Variants in NDRG3 observed in about 807,000 individuals in gnomAD.
NDRG3 encodes NDRG family member 3, also known as protein NDRG3.
Under a neutral mutation model 57.2 loss-of-function variants are expected in NDRG3, and 23 were observed. The ratio of observed to expected loss-of-function variants is 0.40; its 90% CI spans 0.29 to 0.57. NDRG3 has a LOEUF of 0.57. Ranked by LOEUF, NDRG3 falls within the 20% of genes least tolerant of loss-of-function variation. The probability of loss-of-function intolerance (pLI) is 0.42; values close to 1 mark genes in which losing one functional copy is unlikely to be tolerated. For synonymous variants in NDRG3, 132 were observed against 162.6 expected, an observed-to-expected ratio of 0.81 and a Z score of 1.43; for missense variants, 384 against 457.3, an observed-to-expected ratio of 0.84 and a Z score of 1.46.
At chr20:36,688,289 C>G (rs1387013365) in intron 4 of NDRG3, among the ~76,000 whole-genome samples, 1 of 152,068 alleles carries the variant, frequency 6.6e-6, no homozygotes, top group Non-Finnish European at 1.5e-5. Flanking sequence ...TGGTGACAGG[C>G]TCTAGCAAGA....
chr20:36,709,982 T>C (rs1983770795), intron 2 of NDRG3, among the ~76,000 whole-genome samples: 1 of 152,048 alleles, frequency 6.6e-6, no homozygotes, highest in African/African-American at 2.4e-5. Flanking sequence ...GGATACAAAA[T>C]AGTCTTTACA....
At chr20:36,730,201 T>C (rs56235687) in intron 1 of NDRG3, among the ~76,000 whole-genome samples, 4 of 150,580 alleles carry the variant, frequency 2.7e-5, no homozygotes, top group Admixed American at 2.6e-4. Flanking sequence ...GAGGTGAGAT[T>C]GTGCCACTGC....
At chr20:36,679,665 G>A (rs766379742) in intron 8 of NDRG3, among the ~76,000 whole-genome samples, 5 of 151,018 alleles carry the variant, frequency 3.3e-5, no homozygotes, top group Admixed American at 1.3e-4. Context: ...CACCACGCCC[G>A]GCTAATTTTT....
At chr20:36,708,662 A>AG (rs1983691821) in intron 2 of NDRG3, among the ~76,000 whole-genome samples, 1 of 150,832 alleles carries the variant, frequency 6.6e-6, no homozygotes, top group Non-Finnish European at 1.5e-5. Flanking sequence ...AAAAAAAAAA[A>AG]AAAAGAAAAA....
intron 3 of NDRG3, among the ~76,000 whole-genome samples, chr20:36,691,872 C>T (rs1361429757): frequency 6.6e-6 from 1 of 152,204 alleles, no homozygotes; most frequent in Non-Finnish European, 1.5e-5. Flanking sequence ...TTGAATGCCA[C>T]TCCATGCCAG....
chr20:36,695,969 C>T (rs1044203011), intron 3 of NDRG3, among the ~76,000 whole-genome samples: 6 of 152,180 alleles, frequency 3.9e-5, no homozygotes, highest in African/African-American at 1.4e-4. Flanking sequence ...CCCCGGACAC[C>T]CAGCTTTAAA....
rs76218622 is a variant in NDRG3 at position 36,743,205 on chromosome 20, C to G, written c.-49+2840G>C. Among the ~76,000 whole-genome samples the G allele has an allele frequency of 2.9e-3, 442 of 152,248 alleles. 1 individual carries two copies. The highest frequency in any genetic ancestry group is 0.01 in the African/African-American group (423 of 41,554). On this transcript the variant is annotated intron_variant, in intron 1 of 15. Transcript: ENST00000349004. ...TCAGAAGTAACAATTTAGAATAAAACAAAAGCAGCCGGGCTCGGAGGCTCA... is the reference window on the plus strand; with the variant it reads ...TCAGAAGTAACAATTTAGAATAAAAGAAAAGCAGCCGGGCTCGGAGGCTCA...
chr20:36,708,046 T>G (rs893525102), intron 2 of NDRG3, among the ~76,000 whole-genome samples: 2 of 151,498 alleles, frequency 1.3e-5, no homozygotes, highest in Admixed American at 1.3e-4. Context: ...ATCGCACCAC[T>G]GTGCTCCAGC....
intron 9 of NDRG3, among the ~76,000 whole-genome samples, chr20:36,667,176 T>C (rs1196944133): frequency 6.6e-6 from 1 of 152,254 alleles, no homozygotes; most frequent in East Asian, 1.9e-4. Flanking sequence ...TATCTATATA[T>C]ACCACCATTT....
chr20:36,676,194 A>T (rs1980688105), intron 8 of NDRG3, among the ~76,000 whole-genome samples: 1 of 152,024 alleles, frequency 6.6e-6, no homozygotes, highest in South Asian at 2.1e-4. Flanking sequence ...GAGCCGAGAT[A>T]GTGCCACTGC....
chr20:36,694,400 G>A (rs1364373050), intron 3 of NDRG3, among the ~76,000 whole-genome samples: 1 of 152,162 alleles, frequency 6.6e-6, no homozygotes, highest in Non-Finnish European at 1.5e-5. Flanking sequence ...AAACAGTCTT[G>A]AATAACTGGA....
At chr20:36,739,446 CA>C (rs1205372925) in intron 1 of NDRG3, among the ~76,000 whole-genome samples, 2 of 67,170 alleles carry the variant, frequency 3.0e-5, no homozygotes, top group Non-Finnish European at 6.2e-5. Flanking sequence ...GACTCCGCCT[CA>C]AAAAAAAAGA....
intron 3 of NDRG3, among the ~76,000 whole-genome samples, chr20:36,692,794 G>A (rs1277881072): frequency 6.6e-6 from 1 of 151,648 alleles, no homozygotes; most frequent in Admixed American, 6.6e-5. Context: ...CTTAACCAAG[G>A]CAGTGGTGGT....
chr20:36,687,744 A>G (rs1367850516), intron 4 of NDRG3, 132 bp from the exon 5 acceptor site: 1 of 1,037,060 alleles, frequency 9.6e-7, no homozygotes, highest in Non-Finnish European at 1.4e-6. Context: ...AGGTGTCTGA[A>G]CAATCTGTCT....
At chr20:36,659,233 C>T (rs1157299413) in intron 13 of NDRG3, among the ~76,000 whole-genome samples, 2 of 152,092 alleles carry the variant, frequency 1.3e-5, no homozygotes. Context: ...AGCCACTGCA[C>T]CCAGCCAAAG....
At position 36,717,214 on chromosome 20, in the gene NDRG3, T is replaced by C. The variant is rs191896846; in HGVS notation, c.57+4465A>G. 9.9e-4 allele frequency among the ~76,000 whole-genome samples: 150 copies of C among 152,254 alleles called. 1 individual carries two copies. Among genetic ancestry groups the C allele is most frequent in the Middle Eastern group, 3.4e-3 (1 of 294 alleles). On this transcript the variant is annotated intron_variant, in intron 2 of 15. Coordinates refer to ENST00000349004, the MANE Select transcript of NDRG3 (RefSeq NM_032013.4). ...GCCGTAGACAAAATTACAGGCATAC[T>C]AAAATAAAATGGGAAAAGTACCAAC...
chr20:36,684,379 AAAAACT>A, intron 6 of NDRG3, 28 bp downstream of exon 6: 2 of 1,575,338 alleles, frequency 1.3e-6, no homozygotes, highest in Non-Finnish European at 1.7e-6. Context: ...GAAAGTCAAT[AAAAACT>A]GCATGAAAGA....
intron 2 of NDRG3, among the ~76,000 whole-genome samples, chr20:36,712,588 T>TATATATATATA (rs1555804489): frequency 2.7e-4 from 3 of 10,930 alleles, no homozygotes; most frequent in Non-Finnish European, 3.8e-4. Context: ...TATATATATA[T>TATATATATATA]TTTTTTTTTT....
intron 3 of NDRG3, among the ~76,000 whole-genome samples, chr20:36,705,050 T>C (rs1369973882): frequency 6.6e-6 from 1 of 152,108 alleles, no homozygotes; most frequent in Admixed American, 6.6e-5. Context: ...CCAGGTGTGG[T>C]GGCTCATGCC....
Sources: gnomAD v4.1 joint callset for allele counts (sites outside exome capture counted in the v4.1 genomes callset) on GRCh38, gnomAD v4.1.1 for gene constraint, MANE v1.5 for transcripts, NCBI Gene and HGNC (gene_info 2026-07-23, HGNC 2026-07-21) for gene names.